Variants in HSDL2 observed in about 807,000 individuals in gnomAD.
HSDL2 encodes hydroxysteroid dehydrogenase-like protein 2.
HSDL2 carries 27 observed loss-of-function variants against 46.3 expected under a neutral mutation model. That is an observed-to-expected ratio of 0.58 (90% CI 0.43 to 0.80). The LOEUF is 0.80. Among genes scored for constraint, HSDL2 ranks in the 30% least tolerant of loss-of-function variants. The probability of loss-of-function intolerance (pLI) is 0.00; values close to 1 mark genes in which losing one functional copy is unlikely to be tolerated. For missense variants in HSDL2, 451 were observed against 502.7 expected (o/e 0.90, Z 0.98); for synonymous variants, 153 against 163.6 (o/e 0.94, Z 0.50).
chr9:112,383,232 C>A (rs1325682698), intron 1 of HSDL2, among the ~76,000 whole-genome samples: 1 of 151,858 alleles, frequency 6.6e-6, no homozygotes, highest in Non-Finnish European at 1.5e-5. Flanking sequence ...CACCACCATG[C>A]CGGCTAATTT....
At chr9:112,441,555 T>A in intron 7 of HSDL2, 144 bp from the exon 8 acceptor site, 1 of 555,840 alleles carries the variant, frequency 1.8e-6, no homozygotes, top group Non-Finnish European at 3.3e-6. Flanking sequence ...TTAATGAAGA[T>A]CAGGTCATTC....
At chr9:112,381,638 G>GCC (rs1831099572) in intron 1 of HSDL2, among the ~76,000 whole-genome samples, 1 of 152,196 alleles carries the variant, frequency 6.6e-6, no homozygotes, top group African/African-American at 2.4e-5. Flanking sequence ...ACAGGCGTAA[G>GCC]CCACTGCGCC....
chr9:112,438,754 A>G (rs1161699195), intron 7 of HSDL2, 129 bp downstream of exon 7: 2 of 596,782 alleles, frequency 3.4e-6, no homozygotes, highest in African/African-American at 3.8e-5. Context: ...TGTCTTCCCA[A>G]TGAAGGAAGA....
intron 6 of HSDL2, among the ~76,000 whole-genome samples, chr9:112,431,682 A>G (rs755059807): frequency 1.2e-4 from 19 of 152,004 alleles, no homozygotes; most frequent in Non-Finnish European, 2.6e-4. Flanking sequence ...AGTGTGTAGC[A>G]CACCACCTGG....
intron 6 of HSDL2, among the ~76,000 whole-genome samples, chr9:112,432,088 A>G (rs1832420639): frequency 6.6e-6 from 1 of 151,860 alleles, no homozygotes. Context: ...CACCATGTTG[A>G]CCAGTCTGGT....
chr9:112,451,530 G>C (rs747631526), intron 8 of HSDL2, among the ~76,000 whole-genome samples: 2 of 152,172 alleles, frequency 1.3e-5, no homozygotes, highest in African/African-American at 4.8e-5. Context: ...TTCAAAAACT[G>C]TCTTATCTAA....
At chr9:112,407,362 C>T (rs1020128195) in intron 3 of HSDL2, among the ~76,000 whole-genome samples, 4 of 151,996 alleles carry the variant, frequency 2.6e-5, no homozygotes, top group Admixed American at 6.6e-5. Flanking sequence ...TTGGAGAGGA[C>T]GTAAGGGGAG....
intron 1 of HSDL2, among the ~76,000 whole-genome samples, chr9:112,401,441 CAAAAAAAAA>C (rs398011899): frequency 3.3e-5 from 2 of 61,496 alleles, no homozygotes; most frequent in Admixed American, 2.1e-4. Context: ...GAACCGCTCT[CAAAAAAAAA>C]AAAAAAAAAA....
At chr9:112,421,166 CA>C (rs983613677) in intron 6 of HSDL2, among the ~76,000 whole-genome samples, 7 of 152,040 alleles carry the variant, frequency 4.6e-5, no homozygotes, top group Admixed American at 2.0e-4. Flanking sequence ...CCCATCTCTA[CA>C]AAAAATTAAG....
chr9:112,384,365 TGGCACAGATCA>T (rs1017945366), intron 1 of HSDL2, among the ~76,000 whole-genome samples: 1 of 152,216 alleles, frequency 6.6e-6, no homozygotes, highest in African/African-American at 2.4e-5. Context: ...GACTTCTTAC[TGGCACAGATCA>T]GGGTTATGTT....
intron 6 of HSDL2, among the ~76,000 whole-genome samples, chr9:112,419,507 C>T (rs900689457): frequency 1.3e-5 from 2 of 152,116 alleles, no homozygotes; most frequent in African/African-American, 2.4e-5. Context: ...CATTGACCAC[C>T]GGAACACTTT....
chr9:112,449,701 T>C (rs1450350325), intron 8 of HSDL2, among the ~76,000 whole-genome samples: 3 of 151,808 alleles, frequency 2.0e-5, no homozygotes, highest in Non-Finnish European at 4.4e-5. Flanking sequence ...CTGTCTCTAC[T>C]AAAAATACAA....
At chr9:112,450,524 G>A (rs1307188995) in intron 8 of HSDL2, among the ~76,000 whole-genome samples, 1 of 151,374 alleles carries the variant, frequency 6.6e-6, no homozygotes, top group African/African-American at 2.4e-5. Context: ...AGCTATTCGG[G>A]AGGCTGAGGC....
chr9:112,409,198 TA>T (rs1401022144), intron 4 of HSDL2, among the ~76,000 whole-genome samples, 177 bp downstream of exon 4: 2 of 152,186 alleles, frequency 1.3e-5, no homozygotes, highest in Non-Finnish European at 2.9e-5. Context: ...TTTATTTATT[TA>T]TTTTTTTGAG....
intron 8 of HSDL2, among the ~76,000 whole-genome samples, chr9:112,443,284 T>C (rs1036569615): frequency 6.6e-6 from 1 of 152,228 alleles, no homozygotes; most frequent in African/African-American, 2.4e-5. Context: ...CAACAAATAT[T>C]TACTGGGCAC....
intron 6 of HSDL2, among the ~76,000 whole-genome samples, chr9:112,437,228 G>A (rs746725077): frequency 3.3e-5 from 5 of 151,982 alleles, no homozygotes; most frequent in Non-Finnish European, 7.4e-5. Context: ...CCACAGTGCC[G>A]GGATTACAGG....
At chr9:112,442,525 T>C (rs1545379) in intron 8 of HSDL2, among the ~76,000 whole-genome samples, 38,916 of 152,026 alleles carry the variant, frequency 0.26, 5,104 homozygotes, top group Middle Eastern at 0.37. Flanking sequence ...GGTTTTACTT[T>C]GTTTTGTTTC....
At chr9:112,468,015 C>T (rs1273476862) in intron 10 of HSDL2, among the ~76,000 whole-genome samples, 1 of 142,272 alleles carries the variant, frequency 7.0e-6, no homozygotes, top group Admixed American at 7.4e-5. Flanking sequence ...TTGTGTGTAT[C>T]TGAAACTACT....
At chr9:112,460,420 T>C (rs1833168362) in intron 10 of HSDL2, among the ~76,000 whole-genome samples, 1 of 152,190 alleles carries the variant, frequency 6.6e-6, no homozygotes, top group Non-Finnish European at 1.5e-5. Flanking sequence ...AACTTTTCCC[T>C]TTTTTTATAG....
Sources: allele counts gnomAD v4.1 joint callset (sites outside exome capture counted in the v4.1 genomes callset), GRCh38; gene constraint gnomAD v4.1.1; transcripts MANE v1.5; gene names NCBI Gene and HGNC (gene_info 2026-07-23, HGNC 2026-07-21).